TRAPPC9: variants seen among roughly 807,000 people sequenced by gnomAD.
The protein encoded by TRAPPC9 is IKK2 binding protein.
TRAPPC9 carries 83 observed loss-of-function variants against 124.0 expected under a neutral mutation model. The ratio of observed to expected loss-of-function variants is 0.67; its 90% CI spans 0.56 to 0.80. The LOEUF (loss-of-function observed/expected upper bound fraction) is 0.80, where lower values mean the gene tolerates loss of function less well. Ranked by LOEUF, TRAPPC9 falls within the 30% of genes least tolerant of loss-of-function variation. The probability of loss-of-function intolerance (pLI) is 0.00; values close to 1 mark genes in which losing one functional copy is unlikely to be tolerated. For missense variants in TRAPPC9, 1,302 were observed against 1,508.3 expected (o/e 0.86, Z 2.27); for synonymous variants, 638 against 617.5 (o/e 1.03, Z -0.49).
chr8:139,836,647 C>T (rs1826376387), intron 21 of TRAPPC9, among the ~76,000 whole-genome samples: 1 of 152,180 alleles, frequency 6.6e-6, no homozygotes, highest in African/African-American at 2.4e-5. Context: ...GAGAGATGGG[C>T]GTGGCTTCCC....
chr8:140,328,967 C>T (rs552289276), intron 9 of TRAPPC9, among the ~76,000 whole-genome samples: 2 of 152,232 alleles, frequency 1.3e-5, no homozygotes, highest in South Asian at 2.1e-4. Flanking sequence ...AAGGGCAGGG[C>T]AAGCTCGTCG....
At chr8:140,306,796 A>T (rs1253370928) in intron 10 of TRAPPC9, among the ~76,000 whole-genome samples, 2 of 152,242 alleles carry the variant, frequency 1.3e-5, no homozygotes, top group Non-Finnish European at 2.9e-5. Context: ...CACTTTTCCA[A>T]GGTATGCTTT....
intron 19 of TRAPPC9, among the ~76,000 whole-genome samples, chr8:139,915,636 C>G (rs1178206363): frequency 1.3e-5 from 2 of 152,202 alleles, no homozygotes; most frequent in East Asian, 3.8e-4. Context: ...GAATCTGGGT[C>G]TGGGCCCACA....
Position 140,115,794 on chromosome 8 carries a change from G to A in TRAPPC9, c.2557-91715C>T, listed in dbSNP as rs116833069. Among the ~76,000 whole-genome samples, 971 of 152,152 alleles carry A rather than the reference G, an allele frequency of 6.4e-3. 11 individuals carry two copies. The highest frequency in any genetic ancestry group is 0.021 in the African/African-American group (859 of 41,482). Reference sequence around the variant, plus strand: ...GCTTAAAGGCTTGTTCCACACTTACGGGCTACGGGTCACTGAGGATGCTGT... The same window carrying A: ...GCTTAAAGGCTTGTTCCACACTTACAGGCTACGGGTCACTGAGGATGCTGT... On this transcript the variant is annotated intron_variant, in intron 17 of 22. Coordinates refer to ENST00000438773, the MANE Select transcript of TRAPPC9 (RefSeq NM_001160372.4).
chr8:139,851,798 G>A (rs558136517), intron 21 of TRAPPC9, among the ~76,000 whole-genome samples: 23 of 152,340 alleles, frequency 1.5e-4, no homozygotes, highest in African/African-American at 5.5e-4. Context: ...GCTGGCACCA[G>A]CAGGAGATCT....
intron 15 of TRAPPC9, among the ~76,000 whole-genome samples, chr8:140,267,435 C>T (rs887780955): frequency 2.6e-5 from 4 of 152,182 alleles, no homozygotes; most frequent in Admixed American, 6.5e-5. Flanking sequence ...CCCTATGCAG[C>T]GGGTAAGAGT....
chr8:140,372,407 C>T (rs562194054), intron 7 of TRAPPC9, among the ~76,000 whole-genome samples: 42 of 152,332 alleles, frequency 2.8e-4, no homozygotes, highest in Admixed American at 2.4e-3. Context: ...GCCATGGCCT[C>T]GATGGGGCCC....
chr8:140,030,388 C>A (rs1840429349), intron 17 of TRAPPC9, among the ~76,000 whole-genome samples: 1 of 152,186 alleles, frequency 6.6e-6, no homozygotes, highest in Admixed American at 6.5e-5. Flanking sequence ...AAGAAATCTA[C>A]TGGAACTCTC....
At chr8:139,873,170 C>T (rs138735622) in intron 21 of TRAPPC9, among the ~76,000 whole-genome samples, 39 of 152,052 alleles carry the variant, frequency 2.6e-4, no homozygotes, top group Admixed American at 9.8e-4. Flanking sequence ...TAAAAGTAAG[C>T]GAATGAAAGT....
intron 9 of TRAPPC9, among the ~76,000 whole-genome samples, chr8:140,347,661 A>T (rs1183874033): frequency 6.6e-6 from 1 of 152,150 alleles, no homozygotes; most frequent in Non-Finnish European, 1.5e-5. Context: ...ATAAAGCCCC[A>T]CTTGGCCTTG....
intron 21 of TRAPPC9, among the ~76,000 whole-genome samples, chr8:139,841,066 T>C (rs1419998208): frequency 6.6e-6 from 1 of 152,184 alleles, no homozygotes; most frequent in South Asian, 2.1e-4. Context: ...AAAATCAGGA[T>C]GCTGGCAGGA....
intron 17 of TRAPPC9, among the ~76,000 whole-genome samples, chr8:140,171,207 T>C (rs1375984942): frequency 6.6e-6 from 1 of 152,140 alleles, no homozygotes; most frequent in African/African-American, 2.4e-5. Flanking sequence ...ACAACCAAAA[T>C]ATCCTCTTCA....
In TRAPPC9 at chr8:140,276,031, G is replaced by A. The variant is rs560875082; in HGVS notation, c.2115-210C>T. Among the ~76,000 whole-genome samples, 48 of 152,228 alleles carry A rather than the reference G, an allele frequency of 3.2e-4. No homozygotes were observed. In the South Asian group the frequency reaches 7.3e-3, roughly 23 times the overall value. On this transcript the variant is annotated intron_variant, in intron 14 of 22. Coordinates refer to ENST00000438773, the MANE Select transcript of TRAPPC9 (RefSeq NM_001160372.4). ...CCTCATGCTTTCCTCATGCAGACAC[G>A]TCCAGGTCTTTGTGTGTCATAAACA...
chr8:139,917,602 G>A (rs879331767), intron 19 of TRAPPC9, among the ~76,000 whole-genome samples: 12 of 152,306 alleles, frequency 7.9e-5, no homozygotes, highest in African/African-American at 2.2e-4. Context: ...CCCGTCCCCC[G>A]GGCCTGCTGT....
chr8:140,217,074 C>T lies in TRAPPC9; in HGVS notation c.2556+4385G>A, dbSNP rs112933984. Among the ~76,000 whole-genome samples, 1,289 of 152,294 alleles carry T rather than the reference C, an allele frequency of 8.5e-3. 20 individuals are homozygous for T. Among genetic ancestry groups the T allele is most frequent in the African/African-American group, 0.03 (1,241 of 41,556 alleles). ...GCCCCTGAAATCCATCACTGTGTCCCAACCCCGGGGCACCGTAACTGACTC... is the reference window on the plus strand; with the variant it reads ...GCCCCTGAAATCCATCACTGTGTCCTAACCCCGGGGCACCGTAACTGACTC... On this transcript the variant is annotated intron_variant, in intron 17 of 22. Coordinates refer to ENST00000438773, the MANE Select transcript of TRAPPC9 (RefSeq NM_001160372.4).
chr8:140,147,129 T>C (rs73361175), intron 17 of TRAPPC9, among the ~76,000 whole-genome samples: 2,105 of 152,330 alleles, frequency 0.014, 41 homozygotes, highest in African/African-American at 0.047. Context: ...CCCTACAACA[T>C]TGAACAGCCA....
At chr8:140,093,038 A>T (rs1356313552) in intron 17 of TRAPPC9, among the ~76,000 whole-genome samples, 1 of 152,000 alleles carries the variant, frequency 6.6e-6, no homozygotes, top group Non-Finnish European at 1.5e-5. Context: ...GAAAAAAAAA[A>T]AAAGCTTTCC....
At chr8:140,324,470 TG>T (rs2066686803) in intron 9 of TRAPPC9, among the ~76,000 whole-genome samples, 1 of 152,166 alleles carries the variant, frequency 6.6e-6, no homozygotes, top group African/African-American at 2.4e-5. Context: ...AACAACCCTT[TG>T]TTAAAATAAA....
chr8:139,816,300 G>A (rs371036078), intron 21 of TRAPPC9, among the ~76,000 whole-genome samples: 11 of 152,342 alleles, frequency 7.2e-5, no homozygotes, highest in African/African-American at 1.9e-4. Context: ...GGTACCTTCC[G>A]GTGAAAGCAG....
Sources: allele counts gnomAD v4.1 joint callset (sites outside exome capture counted in the v4.1 genomes callset), GRCh38; gene constraint gnomAD v4.1.1; transcripts MANE v1.5; gene names NCBI Gene and HGNC (gene_info 2026-07-23, HGNC 2026-07-21).